Variants in DPP6 observed in about 807,000 individuals in gnomAD.
DPP6 encodes A-type potassium channel modulatory protein DPP6.
In DPP6, 69 loss-of-function variants were observed where a neutral mutation model predicts 122.6. That is an observed-to-expected ratio of 0.56 (90% CI 0.46 to 0.69). The LOEUF (loss-of-function observed/expected upper bound fraction) is 0.69. Ranked by LOEUF, DPP6 falls within the 30% of genes least tolerant of loss-of-function variation. The pLI is 0.00. For synonymous variants in DPP6, 418 were observed against 433.1 expected (o/e 0.97, Z 0.43); for missense variants, 928 against 1,116.9 (o/e 0.83, Z 2.41).
At chr7:154,771,777 C>T (rs1177567722) in intron 9 of DPP6, among the ~76,000 whole-genome samples, 1 of 152,232 alleles carries the variant, frequency 6.6e-6, no homozygotes, top group African/African-American at 2.4e-5. Context: ...TTATTTCACT[C>T]CTTTTTCAGC....
At chr7:154,223,889 C>CTCGG (rs1800444926) in intron 1 of DPP6, among the ~76,000 whole-genome samples, 1 of 148,916 alleles carries the variant, frequency 6.7e-6, no homozygotes, top group Non-Finnish European at 1.5e-5. Context: ...TCAGAGGCCA[C>CTCGG]TGTGGCCCAG....
chr7:153,930,966 A>T (rs1343609771), intron 1 of DPP6, among the ~76,000 whole-genome samples: 1 of 152,198 alleles, frequency 6.6e-6, no homozygotes, highest in Non-Finnish European at 1.5e-5. Flanking sequence ...TAATTTTTTT[A>T]CACAGTTCTG....
intron 1 of DPP6, among the ~76,000 whole-genome samples, chr7:154,281,455 C>T (rs76604375): frequency 0.011 from 1,655 of 152,262 alleles, 15 homozygotes; most frequent in Non-Finnish European, 0.016. Flanking sequence ...ATAAGTCCCA[C>T]GCCTCTGTTT....
chr7:154,068,762 C>T (rs1225335916), intron 1 of DPP6, among the ~76,000 whole-genome samples: 1 of 524 alleles, frequency 1.9e-3, no homozygotes, highest in Non-Finnish European at 3.7e-3. Context: ...AACAGGTGCC[C>T]ACGGGATCAG....
chr7:153,977,901 G>T (rs1057277970), intron 1 of DPP6, among the ~76,000 whole-genome samples: 8 of 152,164 alleles, frequency 5.3e-5, no homozygotes, highest in African/African-American at 1.4e-4. Flanking sequence ...TTTTATGGCT[G>T]CATAGTATTC....
At chr7:153,833,723 TG>T in the DPP6 span, among the ~76,000 whole-genome samples, 4 of 151,998 alleles carry the variant, frequency 2.6e-5, no homozygotes, top group South Asian at 8.3e-4. Flanking sequence ...TTCACCTATC[TG>T]GCTTTGGAAT....
chr7:154,439,526 G>A (rs778334776), intron 1 of DPP6, among the ~76,000 whole-genome samples: 12 of 152,146 alleles, frequency 7.9e-5, no homozygotes, highest in Non-Finnish European at 1.5e-4. Flanking sequence ...CAGAAAGCAA[G>A]ACTAACTTAC....
At chr7:153,988,775 C>T (rs528310302) in intron 1 of DPP6, among the ~76,000 whole-genome samples, 2 of 151,934 alleles carry the variant, frequency 1.3e-5, no homozygotes, top group East Asian at 1.9e-4. Context: ...AGCAGTGAGT[C>T]GGAGGAATAA....
chr7:154,097,030 T>C (rs567159174), intron 1 of DPP6, among the ~76,000 whole-genome samples: 57 of 152,366 alleles, frequency 3.7e-4, no homozygotes, highest in Non-Finnish European at 5.7e-4. Context: ...GGTGATGGGA[T>C]GGACCTGGCG....
the DPP6 span, among the ~76,000 whole-genome samples, chr7:153,818,835 T>C: frequency 6.6e-6 from 1 of 151,956 alleles, no homozygotes; most frequent in Non-Finnish European, 1.5e-5. Context: ...CACTGCAACC[T>C]CTGCCTCCCG....
At chr7:154,810,813 G>A (rs1483943538) in intron 16 of DPP6, among the ~76,000 whole-genome samples, 1 of 152,008 alleles carries the variant, frequency 6.6e-6, no homozygotes, top group African/African-American at 2.4e-5. Context: ...CTGGCCCATT[G>A]GGCACCTCCA....
chr7:153,908,056 T>C (rs981242797), intron 1 of DPP6, among the ~76,000 whole-genome samples: 1 of 141,590 alleles, frequency 7.1e-6, no homozygotes, highest in African/African-American at 2.7e-5. Context: ...TTTTGCTTAA[T>C]TGAAAGAAGA....
intron 7 of DPP6, among the ~76,000 whole-genome samples, chr7:154,691,253 T>TCTC (rs1038155265): frequency 5.9e-5 from 9 of 152,288 alleles, no homozygotes; most frequent in African/African-American, 2.2e-4. Context: ...TGTTTTCAAT[T>TCTC]CTCTCAAACT....
chr7:154,740,377 T>A (rs1334743969), intron 8 of DPP6, among the ~76,000 whole-genome samples: 2 of 151,984 alleles, frequency 1.3e-5, no homozygotes, highest in Non-Finnish European at 2.9e-5. Context: ...TTTACTAAAA[T>A]GCAAGCTGCA....
chr7:154,889,257 C>A lies in DPP6; in HGVS notation c.2305-15C>A, dbSNP rs137988547. 6.2e-7 allele frequency: 1 copy of A among 1,610,894 alleles called. No individual in the cohort carries two copies. The highest frequency in any genetic ancestry group is 8.5e-7 in the Non-Finnish European group (1 of 1,178,840). The stretch of plus-strand genomic sequence containing the variant: ...GCAGCCCCCTAACTCTGTCCCCTTG[C>A]CCCCGCATGTGCAGATGACCAAGGT... On this transcript the variant is annotated splice_polypyrimidine_tract_variant and intron_variant, in intron 23 of 25. Coordinates refer to ENST00000377770, the MANE Select transcript of DPP6 (RefSeq NM_130797.4).
the DPP6 span, among the ~76,000 whole-genome samples, chr7:153,842,184 G>A: frequency 1.3e-5 from 2 of 152,194 alleles, no homozygotes; most frequent in African/African-American, 2.4e-5. Context: ...GGTTATGCAA[G>A]TGTGCAGTCC....
intron 6 of DPP6, among the ~76,000 whole-genome samples, chr7:154,654,986 A>C (rs1586819736): frequency 6.6e-6 from 1 of 152,148 alleles, no homozygotes; most frequent in South Asian, 2.1e-4. Flanking sequence ...TTATTAATCC[A>C]CCCATCCACT....
intron 4 of DPP6, among the ~76,000 whole-genome samples, chr7:154,559,892 G>A (rs1164864998): frequency 6.8e-6 from 1 of 146,896 alleles, no homozygotes; most frequent in Non-Finnish European, 1.5e-5. Context: ...GCAACAGAAT[G>A]AGACCTTTTT....
chr7:154,102,207 C>T (rs1198051419), intron 1 of DPP6, among the ~76,000 whole-genome samples: 1 of 151,756 alleles, frequency 6.6e-6, no homozygotes, highest in African/African-American at 2.4e-5. Flanking sequence ...TCTTTTGAGA[C>T]AGAGTTCCAC....
Sources: allele counts gnomAD v4.1 joint callset (sites outside exome capture counted in the v4.1 genomes callset), GRCh38; gene constraint gnomAD v4.1.1; transcripts MANE v1.5; gene names NCBI Gene and HGNC (gene_info 2026-07-23, HGNC 2026-07-21).